The following CNTN4 variants were observed in gnomAD, a reference collection of about 807,000 sequenced individuals.
CNTN4 encodes contactin 4.
A neutral mutation model predicts 122.5 loss-of-function variants in CNTN4; 77 were observed. That is an observed-to-expected ratio of 0.63 (90% CI 0.52 to 0.76). The LOEUF (loss-of-function observed/expected upper bound fraction) is 0.76, where lower values mean the gene tolerates loss of function less well. CNTN4 is among the 30% of genes least tolerant of loss of function. CNTN4 has a pLI of 0.00. For missense variants in CNTN4, 1,256 were observed against 1,259.1 expected (o/e 1.00, Z 0.04); for synonymous variants, 512 against 447.0 (o/e 1.15, Z -1.83).
At chr3:2,287,687 A>AGAG (rs1423574743) in intron 2 of CNTN4, among the ~76,000 whole-genome samples, 34 of 92,272 alleles carry the variant, frequency 3.7e-4, no homozygotes, top group African/African-American at 7.4e-4. Context: ...AAGAAGAAGA[A>AGAG]GAAGAGGAAG....
intron 3 of CNTN4, among the ~76,000 whole-genome samples, chr3:2,365,666 C>A (rs1014098700): frequency 6.6e-6 from 1 of 152,096 alleles, no homozygotes; most frequent in Admixed American, 6.6e-5. Context: ...CTCCAAGTTG[C>A]CATCTGCCTC....
At chr3:2,732,044 G>T (rs2088723608) in intron 4 of CNTN4, among the ~76,000 whole-genome samples, 1 of 152,144 alleles carries the variant, frequency 6.6e-6, no homozygotes, top group Non-Finnish European at 1.5e-5. Flanking sequence ...GTTCCTGGAT[G>T]CTTCCCTCTC....
At chr3:2,707,140 A>G (rs540520214) in intron 4 of CNTN4, among the ~76,000 whole-genome samples, 2 of 151,782 alleles carry the variant, frequency 1.3e-5, no homozygotes, top group Admixed American at 1.3e-4. Flanking sequence ...TCTCTATAGA[A>G]AAAAAATACA....
intron 3 of CNTN4, among the ~76,000 whole-genome samples, chr3:2,344,278 A>ATTTTT (rs4057746): frequency 6.9e-6 from 1 of 145,940 alleles, no homozygotes; most frequent in Admixed American, 6.8e-5. Flanking sequence ...GCCAGGTCAA[A>ATTTTT]TTTTTTTTTT....
chr3:2,967,796 GGAAA>G (rs972385595), intron 13 of CNTN4, among the ~76,000 whole-genome samples: 13 of 151,044 alleles, frequency 8.6e-5, no homozygotes, highest in African/African-American at 3.2e-4. Context: ...GTCTAAATCT[GGAAA>G]GAAAGGCATT....
chr3:2,681,018 A>G (rs765943136), intron 4 of CNTN4, among the ~76,000 whole-genome samples: 4 of 152,220 alleles, frequency 2.6e-5, no homozygotes, highest in Non-Finnish European at 5.9e-5. Flanking sequence ...CTAAAATACA[A>G]AATGTATAGG....
chr3:2,563,593 T>G (rs2079042751), intron 3 of CNTN4, among the ~76,000 whole-genome samples: 1 of 152,182 alleles, frequency 6.6e-6, no homozygotes, highest in African/African-American at 2.4e-5. Flanking sequence ...TACATTGTAC[T>G]GTATACTCTC....
intron 3 of CNTN4, among the ~76,000 whole-genome samples, chr3:2,530,697 G>T (rs1200875030): frequency 6.6e-6 from 1 of 151,976 alleles, no homozygotes; most frequent in Non-Finnish European, 1.5e-5. Context: ...TGTCTTTTAG[G>T]TGCTATTTGC....
intron 3 of CNTN4, among the ~76,000 whole-genome samples, chr3:2,479,166 A>G (rs559471942): frequency 6.6e-6 from 1 of 152,324 alleles, no homozygotes; most frequent in East Asian, 1.9e-4. Flanking sequence ...AATATCAAAA[A>G]ACCTATATAG....
chr3:2,498,684 G>C (rs966814212), intron 3 of CNTN4, among the ~76,000 whole-genome samples: 2 of 151,936 alleles, frequency 1.3e-5, no homozygotes, highest in Non-Finnish European at 2.9e-5. Context: ...GTCTTACCAT[G>C]TTTCTCAGGC....
intron 3 of CNTN4, among the ~76,000 whole-genome samples, chr3:2,545,763 C>T (rs957406603): frequency 3.3e-5 from 5 of 151,704 alleles, no homozygotes; most frequent in Admixed American, 6.6e-5. Flanking sequence ...TGAGTGTTAT[C>T]GCATGTGAGG....
chr3:2,757,859 G>A (rs2090408103), intron 6 of CNTN4, among the ~76,000 whole-genome samples: 2 of 152,130 alleles, frequency 1.3e-5, no homozygotes, highest in African/African-American at 4.8e-5. Flanking sequence ...TTCCAAACTA[G>A]CCACTAAACT....
intron 14 of CNTN4, among the ~76,000 whole-genome samples, chr3:2,996,370 C>T (rs1351253687): frequency 6.6e-6 from 1 of 152,072 alleles, no homozygotes; most frequent in Non-Finnish European, 1.5e-5. Context: ...GCAAAGCCAT[C>T]CAGACAGGAG....
intron 6 of CNTN4, among the ~76,000 whole-genome samples, chr3:2,761,069 C>G (rs2090568402): frequency 6.6e-6 from 1 of 152,130 alleles, no homozygotes; most frequent in Non-Finnish European, 1.5e-5. Flanking sequence ...TTTCCAAGAC[C>G]AGTGGAGAGG....
At chr3:2,575,082 CATAAAG>C (rs1458799737) in intron 4 of CNTN4, among the ~76,000 whole-genome samples, 1 of 151,798 alleles carries the variant, frequency 6.6e-6, no homozygotes, top group African/African-American at 2.4e-5. Context: ...ATATTTCTAC[CATAAAG>C]ATAAACAAAC....
At chr3:2,863,505 T>C (rs1278035879) in intron 7 of CNTN4, among the ~76,000 whole-genome samples, 1 of 137,554 alleles carries the variant, frequency 7.3e-6, no homozygotes, top group African/African-American at 2.7e-5. Flanking sequence ...GTTATTACAA[T>C]TGGGGAAACA....
rs116283172 is a variant in CNTN4, at chr3:2,184,155, A to G, written c.-145+83516A>G. Among the ~76,000 whole-genome samples, 1,429 of 151,894 alleles carry G rather than the reference A, an allele frequency of 9.4e-3. 19 individuals are homozygous for G. The highest frequency in any genetic ancestry group is 0.033 in the African/African-American group (1,351 of 41,434). On this transcript the variant is annotated intron_variant, in intron 2 of 24. Coordinates refer to ENST00000418658, the MANE Select transcript of CNTN4 (RefSeq NM_175607.3). ...CGTGGCTAATTTTTATGTTATTTTT[A>G]TTATTATTTTGGTAGAAACGAGGTT...
intron 4 of CNTN4, among the ~76,000 whole-genome samples, chr3:2,651,786 T>C (rs2083372804): frequency 6.6e-6 from 1 of 151,002 alleles, no homozygotes; most frequent in South Asian, 2.1e-4. Context: ...CACTGCAACC[T>C]CCACCTCCCT....
intron 4 of CNTN4, among the ~76,000 whole-genome samples, chr3:2,665,042 C>T (rs542845782): frequency 3.9e-5 from 6 of 152,200 alleles, no homozygotes; most frequent in South Asian, 4.2e-4. Flanking sequence ...GGGCTCTCTC[C>T]GGGACACCTA....
Sources: allele counts gnomAD v4.1 joint callset (sites outside exome capture counted in the v4.1 genomes callset), GRCh38; gene constraint gnomAD v4.1.1; transcripts MANE v1.5; gene names NCBI Gene and HGNC (gene_info 2026-07-23, HGNC 2026-07-21).